The following SNX29 variants were observed in gnomAD, a reference collection of about 807,000 sequenced individuals.
SNX29 encodes the protein sorting nexin-29.
Under a neutral mutation model 102.1 loss-of-function variants are expected in SNX29, and 78 were observed. That is an observed-to-expected ratio of 0.76 (90% CI 0.64 to 0.92). SNX29 has a LOEUF of 0.92. Among genes scored for constraint, SNX29 ranks in the 40% least tolerant of loss-of-function variants. The pLI, the probability that SNX29 is intolerant of heterozygous loss-of-function variation, is 0.00. For synonymous variants in SNX29, 580 were observed against 414.5 expected, an observed-to-expected ratio of 1.40 and a Z score of -4.85; for missense variants, 1,280 against 1,061.7, an observed-to-expected ratio of 1.21 and a Z score of -2.86.
intron 11 of SNX29, among the ~76,000 whole-genome samples, chr16:12,088,565 G>C (rs1226790056): frequency 6.6e-6 from 1 of 152,200 alleles, no homozygotes; most frequent in Non-Finnish European, 1.5e-5. Flanking sequence ...TGACAGGAGT[G>C]CTTTTCTTTT....
rs926196518 is a variant in SNX29 at position 12,572,021 on chromosome 16, TAA to T, written c.*3395_*3396del. ...GTTGCATCTAGGGAGCTGCTGGCTA[TAA>T]AAGGGATCATCCAGTGGAGTTGTAA... On this transcript the variant is annotated 3_prime_UTR_variant, in exon 21 of 21. Transcript: ENST00000566228. 5 of 1,062,382 alleles carry T rather than the reference TAA, an allele frequency of 4.7e-6. No homozygotes were observed. In the African/African-American group the frequency reaches 8.2e-5, roughly 17 times the overall value. 65.8% of individuals were successfully genotyped at this position (1,062,382 alleles called of 1,614,324 possible). A position where few individuals can be genotyped will look rare whatever the true frequency, so the allele number is the denominator to read the frequency against.
At chr16:12,175,058 G>A (rs529247801) in intron 13 of SNX29, among the ~76,000 whole-genome samples, 1 of 152,310 alleles carries the variant, frequency 6.6e-6, no homozygotes, top group South Asian at 2.1e-4. Flanking sequence ...GGCTTCTAAA[G>A]GGAGATTGAC....
chr16:12,403,525 A>G lies in SNX29; in HGVS notation c.2033A>G (p.Tyr678Cys). ...AAAGCAGCAAATGCATTCCACGTGT[A>G]TCAGGTGAGTGCCTGGTTTTCAGGT... ...RGKAANAFHVYQVYIRIKDDE... is the reference protein window; with the variant it reads ...RGKAANAFHVCQVYIRIKDDE... Residue 678 changes from tyrosine (Y) to cysteine (C), a missense_variant, in exon 18 of 21, where the codon TAT becomes TGT. Physicochemically the swap from Tyr to Cys is radical, Grantham distance 194. Transcript: ENST00000566228. 2.5e-6 allele frequency: 4 copies of G among 1,604,426 alleles called. No individual in the cohort carries two copies. Among genetic ancestry groups the G allele is most frequent in the Non-Finnish European group, 3.4e-6 (4 of 1,175,306 alleles).
intron 15 of SNX29, among the ~76,000 whole-genome samples, chr16:12,295,516 A>G (rs1385482259): frequency 6.6e-6 from 1 of 152,168 alleles, no homozygotes; most frequent in African/African-American, 2.4e-5. Context: ...ACGAAGGTAC[A>G]TTTTACCTCT....
chr16:12,023,586 AAAAGAAAAG>A (rs899577442), intron 3 of SNX29, among the ~76,000 whole-genome samples: 16 of 143,980 alleles, frequency 1.1e-4, no homozygotes, highest in Admixed American at 2.7e-4. Flanking sequence ...TCAAAAAAAA[AAAAGAAAAG>A]AAAAGAAAAG....
chr16:12,136,205 C>T lies in SNX29; in HGVS notation c.1595+6447C>T, dbSNP rs1043879615. On this transcript the variant is annotated intron_variant, in intron 13 of 20. Transcript: ENST00000566228. ...TTCATGCTTCTGAGCCTCTCTGGTT[C>T]TTTAACTATTTAGAAACTTAAAGTG... Among the ~76,000 whole-genome samples the T allele has an allele frequency of 3.9e-5, 6 of 152,230 alleles. No homozygotes were observed. In the East Asian group the frequency reaches 1.2e-3, roughly 29 times the overall value.
chr16:12,140,830 A>G lies in SNX29; in HGVS notation c.1595+11072A>G, dbSNP rs183525665. Among the ~76,000 whole-genome samples, 214 of 152,262 alleles carry G rather than the reference A, an allele frequency of 1.4e-3. 1 individual carries two copies. Among genetic ancestry groups the G allele is most frequent in the Middle Eastern group, 0.01 (3 of 294 alleles). ...GGTCCAGCTACTTTGGCATATTTGG[A>G]CTTGATCTTAGAAGACTCAATATCT... On this transcript the variant is annotated intron_variant, in intron 13 of 20. Transcript: ENST00000566228.
chr16:12,017,327 A>G (rs557686178), intron 3 of SNX29, among the ~76,000 whole-genome samples: 4 of 152,184 alleles, frequency 2.6e-5, no homozygotes, highest in East Asian at 1.9e-4. Flanking sequence ...ATCTTTTCTT[A>G]TATTTATTGG....
chr16:12,571,281 TG>T lies in SNX29; in HGVS notation c.*2653del, dbSNP rs1215638619. 1 of 231,932 alleles carries T rather than the reference TG, an allele frequency of 4.3e-6. No homozygotes were observed. Among genetic ancestry groups the T allele is most frequent in the Non-Finnish European group, 8.5e-6 (1 of 117,282 alleles). 14.4% of individuals were successfully genotyped at this position (231,932 alleles called of 1,614,324 possible). On this transcript the variant is annotated 3_prime_UTR_variant, in exon 21 of 21. Transcript: ENST00000566228. ...TAGCAGAATTGTGGCTGAAACCTGG[TG>T]CCCAAATTCCACACCCTGGAAATGT...
At chr16:12,518,483 C>T (rs1337134636) in intron 19 of SNX29, among the ~76,000 whole-genome samples, 1 of 152,194 alleles carries the variant, frequency 6.6e-6, no homozygotes, top group East Asian at 1.9e-4. Context: ...CACCTGATGG[C>T]CACACGCCTT....
chr16:12,564,837 T>C (rs1020192700), intron 20 of SNX29, among the ~76,000 whole-genome samples: 67 of 135,492 alleles, frequency 4.9e-4, no homozygotes, highest in African/African-American at 1.7e-3. Flanking sequence ...AACGCTGAAG[T>C]CGGCAGCTAA....
intron 19 of SNX29, among the ~76,000 whole-genome samples, chr16:12,496,717 G>C (rs940430393): frequency 5.3e-5 from 8 of 152,028 alleles, no homozygotes; most frequent in Non-Finnish European, 1.0e-4. Context: ...CACCATGTTG[G>C]CCAGGCCGAT....
chr16:12,401,356 TA>T (rs1458018917), intron 17 of SNX29, among the ~76,000 whole-genome samples: 3 of 139,892 alleles, frequency 2.1e-5, no homozygotes, highest in African/African-American at 2.6e-5. Context: ...ACAATAGAGT[TA>T]AATTTTTTTT....
rs140766736 is a variant in SNX29, at chr16:12,548,798, T to C, written c.2319-19708T>C. ...AGCCACCACAGTGCTGGGTCATAGC[T>C]GGGCTGTTGTTTTCCTATGGCAGGC... On this transcript the variant is annotated intron_variant, in intron 20 of 20. Transcript: ENST00000566228. 6.8e-3 allele frequency among the ~76,000 whole-genome samples: 1,029 copies of C among 152,302 alleles called. 14 individuals are homozygous for C. The highest frequency in any genetic ancestry group is 0.024 in the African/African-American group (978 of 41,558).
chr16:12,150,948 G>A (rs1294357026), intron 13 of SNX29, among the ~76,000 whole-genome samples: 1 of 152,172 alleles, frequency 6.6e-6, no homozygotes, highest in Non-Finnish European at 1.5e-5. Context: ...CTGGGGATGT[G>A]ACCTTGGCTT....
chr16:12,168,189 C>T (rs2076061336), intron 13 of SNX29, among the ~76,000 whole-genome samples: 1 of 152,174 alleles, frequency 6.6e-6, no homozygotes, highest in Admixed American at 6.5e-5. Flanking sequence ...CAAACACAGG[C>T]AGCGAGTGCT....
chr16:12,024,202 G>A (rs1016848975), intron 3 of SNX29, among the ~76,000 whole-genome samples: 4 of 151,124 alleles, frequency 2.6e-5, no homozygotes, highest in African/African-American at 9.8e-5. Context: ...ATAATGGCAC[G>A]ATCTCGGCTC....
chr16:12,535,619 C>G (rs924893622), intron 20 of SNX29, among the ~76,000 whole-genome samples: 2 of 152,148 alleles, frequency 1.3e-5, no homozygotes, highest in Non-Finnish European at 2.9e-5. Flanking sequence ...CACTGTCAGT[C>G]ACACCAACAT....
At chr16:12,340,947 C>CCT (rs2081593005) in intron 15 of SNX29, among the ~76,000 whole-genome samples, 1 of 152,194 alleles carries the variant, frequency 6.6e-6, no homozygotes, top group African/African-American at 2.4e-5. Flanking sequence ...ATTTACTTCA[C>CCT]CATGAGGTTA....
Sources: gnomAD v4.1 joint callset for allele counts (sites outside exome capture counted in the v4.1 genomes callset) on GRCh38, gnomAD v4.1.1 for gene constraint, MANE v1.5 for transcripts, NCBI Gene and HGNC (gene_info 2026-07-23, HGNC 2026-07-21) for gene names.